The following GFRA1 variants were observed in gnomAD, a reference collection of about 807,000 sequenced individuals.
The protein encoded by GFRA1 is GDNF family receptor alpha 1, also known as GDNF family receptor alpha-1.
GFRA1 carries 16 observed loss-of-function variants against 51.6 expected under a neutral mutation model. The ratio of observed to expected loss-of-function variants is 0.31; its 90% CI spans 0.21 to 0.47. The LOEUF (loss-of-function observed/expected upper bound fraction) is 0.47. Ranked by LOEUF, GFRA1 falls within the 20% of genes least tolerant of loss-of-function variation. GFRA1 has a pLI of 1.00. For synonymous variants in GFRA1, 270 were observed against 241.3 expected, an observed-to-expected ratio of 1.12 and a Z score of -1.10; for missense variants, 530 against 594.3, an observed-to-expected ratio of 0.89 and a Z score of 1.13.
intron 6 of GFRA1, among the ~76,000 whole-genome samples, chr10:116,101,303 A>G (rs963000754): frequency 6.6e-6 from 1 of 152,216 alleles, no homozygotes; most frequent in African/African-American, 2.4e-5. Context: ...TTCTGGAGAC[A>G]TGAAATCTCC....
intron 4 of GFRA1, among the ~76,000 whole-genome samples, chr10:116,223,498 C>T (rs1174159177): frequency 6.6e-6 from 1 of 151,802 alleles, no homozygotes; most frequent in Non-Finnish European, 1.5e-5. Flanking sequence ...TATGTGGCTC[C>T]TCTCTCTCCA....
chr10:116,070,509 A>G (rs1239074070), intron 9 of GFRA1, among the ~76,000 whole-genome samples: 1 of 152,214 alleles, frequency 6.6e-6, no homozygotes, highest in African/African-American at 2.4e-5. Context: ...TGGGAAGAAG[A>G]GTATGTACCT....
At chr10:116,225,827 G>A (rs946174988) in intron 4 of GFRA1, among the ~76,000 whole-genome samples, 8 of 152,032 alleles carry the variant, frequency 5.3e-5, no homozygotes, top group Non-Finnish European at 1.2e-4. Flanking sequence ...GGCTTCAAGT[G>A]ATCCACCTGC....
At chr10:116,086,990 G>C (rs1026529557) in intron 9 of GFRA1, among the ~76,000 whole-genome samples, 1 of 152,126 alleles carries the variant, frequency 6.6e-6, no homozygotes, top group African/African-American at 2.4e-5. Flanking sequence ...GCTAATTTTT[G>C]TATTTTTAGT....
At chr10:116,143,551 A>C (rs1404722619) in intron 5 of GFRA1, among the ~76,000 whole-genome samples, 1 of 152,168 alleles carries the variant, frequency 6.6e-6, no homozygotes, top group Admixed American at 6.5e-5. Flanking sequence ...CTCTGAGCCG[A>C]TGACAAAATA....
At position 116,127,785 on chromosome 10, in the gene GFRA1, G is replaced by C. The variant is rs1245027819; in HGVS notation, c.434-2228C>G. On this transcript the variant is annotated intron_variant, in intron 5 of 10. Coordinates refer to ENST00000355422, the MANE Select transcript of GFRA1 (RefSeq NM_005264.8). Reference sequence around the variant, plus strand: ...TTCTAACATTTTGCTATTGAGCCCAGGGCAGTGATTTATATTCTTGAAAGT... The same window carrying C: ...TTCTAACATTTTGCTATTGAGCCCACGGCAGTGATTTATATTCTTGAAAGT... Among the ~76,000 whole-genome samples, 3 of 152,132 alleles carry C rather than the reference G, an allele frequency of 2.0e-5. No individual in the cohort carries two copies. In the East Asian group the frequency reaches 5.8e-4, roughly 29 times the overall value.
chr10:116,137,693 G>A (rs947701539), intron 5 of GFRA1, among the ~76,000 whole-genome samples: 2 of 152,220 alleles, frequency 1.3e-5, no homozygotes, highest in African/African-American at 4.8e-5. Context: ...TGTGAGAAGA[G>A]AGCCAGGAGC....
At chr10:116,074,684 CTT>C (rs1473926753) in intron 9 of GFRA1, among the ~76,000 whole-genome samples, 1 of 152,194 alleles carries the variant, frequency 6.6e-6, no homozygotes, top group Non-Finnish European at 1.5e-5. Flanking sequence ...TGCCCACTGT[CTT>C]GAGTTTCCTC....
intron 5 of GFRA1, among the ~76,000 whole-genome samples, chr10:116,173,601 C>A (rs1961262626): frequency 6.6e-6 from 1 of 152,144 alleles, no homozygotes; most frequent in Non-Finnish European, 1.5e-5. Context: ...TTTAAGGGCA[C>A]AAGATAGGAC....
rs74464664 is a variant in GFRA1, at chr10:116,251,345, T to C, written c.418+18158A>G. Among the ~76,000 whole-genome samples the C allele has an allele frequency of 9.0e-4, 137 of 152,236 alleles. 2 individuals carry two copies. In the East Asian group the frequency reaches 0.025, roughly 28 times the overall value. On this transcript the variant is annotated intron_variant, in intron 4 of 10. Coordinates refer to ENST00000355422, the MANE Select transcript of GFRA1 (RefSeq NM_005264.8). ...CACATGGCAGGTCAGAGCCAGAAAG[T>C]TCCTGGGGAGATCATCCACCATAGC...
chr10:116,185,613 C>A (rs1378226227), intron 5 of GFRA1, among the ~76,000 whole-genome samples: 2 of 152,172 alleles, frequency 1.3e-5, no homozygotes, highest in African/African-American at 4.8e-5. Context: ...GGGCAGGATA[C>A]ATCTCAGGGA....
intron 5 of GFRA1, among the ~76,000 whole-genome samples, chr10:116,209,433 AC>A (rs1965025060): frequency 6.6e-6 from 1 of 152,050 alleles, no homozygotes; most frequent in African/African-American, 2.4e-5. Flanking sequence ...ACAGAAGCAC[AC>A]ATTTATCAAG....
rs548117194 is a variant in GFRA1, at chr10:116,269,364, T to A, written c.418+139A>T. On this transcript the variant is annotated intron_variant, in intron 4 of 10. Coordinates refer to ENST00000355422, the MANE Select transcript of GFRA1 (RefSeq NM_005264.8). The stretch of plus-strand genomic sequence containing the variant: ...CTCTAGGCATTATGCCTCTTCATTA[T>A]CATCATCCTATTTCTAATTTCCCAG... 7.1e-6 allele frequency: 5 copies of A among 708,846 alleles called. No homozygotes were observed. The East Asian group carries it at 1.1e-4, about 15-fold the overall frequency. 43.9% of individuals were successfully genotyped at this position (708,846 alleles called of 1,614,324 possible). A position where few individuals can be genotyped will look rare whatever the true frequency, so the allele number is the denominator to read the frequency against.
rs565800720 is a variant in GFRA1, at chr10:116,111,511, G to A, written c.770+13710C>T. 1.1e-3 allele frequency among the ~76,000 whole-genome samples: 166 copies of A among 152,278 alleles called. 2 individuals are homozygous for A. The highest frequency in any genetic ancestry group is 3.9e-3 in the African/African-American group (161 of 41,568). On this transcript the variant is annotated intron_variant, in intron 6 of 10. Coordinates refer to ENST00000355422, the MANE Select transcript of GFRA1 (RefSeq NM_005264.8). ...CCGCAGCTATGAATTCCTGGGCTGC[G>A]ATGCGCCCTCTGTGCCCCATATCCG...
chr10:116,089,040 G>A (rs1715011216), intron 9 of GFRA1, among the ~76,000 whole-genome samples: 1 of 151,156 alleles, frequency 6.6e-6, no homozygotes, highest in Non-Finnish European at 1.5e-5. Flanking sequence ...TAAAAAAGCA[G>A]GATAAAGACT....
intron 5 of GFRA1, among the ~76,000 whole-genome samples, chr10:116,167,575 C>CT (rs35157891): frequency 4.2e-4 from 63 of 148,484 alleles, no homozygotes; most frequent in South Asian, 2.3e-3. Context: ...AACCAAAGTC[C>CT]TTTTTTTTTT....
intron 4 of GFRA1, among the ~76,000 whole-genome samples, chr10:116,222,464 G>C (rs1184265158): frequency 6.6e-6 from 1 of 152,148 alleles, no homozygotes. Flanking sequence ...CTCCCAAAGT[G>C]CTGGGATTAC....
chr10:116,180,221 C>A (rs1364867172), intron 5 of GFRA1, among the ~76,000 whole-genome samples: 1 of 152,178 alleles, frequency 6.6e-6, no homozygotes, highest in Non-Finnish European at 1.5e-5. Flanking sequence ...AAAATTCATA[C>A]ATAGCTCAAT....
At chr10:116,267,496 C>A (rs1285960399) in intron 4 of GFRA1, among the ~76,000 whole-genome samples, 3 of 151,798 alleles carry the variant, frequency 2.0e-5, no homozygotes, top group South Asian at 2.1e-4. Flanking sequence ...AAAAAAAAAA[C>A]CATTGCTCAT....
Sources: gnomAD v4.1 joint callset for allele counts (sites outside exome capture counted in the v4.1 genomes callset) on GRCh38, gnomAD v4.1.1 for gene constraint, MANE v1.5 for transcripts, NCBI Gene and HGNC (gene_info 2026-07-23, HGNC 2026-07-21) for gene names.